Variants in ADAMTS19 observed in about 807,000 individuals in gnomAD.
The protein encoded by ADAMTS19 is ADAM metallopeptidase with thrombospondin type 1 motif 19, also known as A disintegrin and metalloproteinase with thrombospondin motifs 19.
ADAMTS19 carries 93 observed loss-of-function variants against 153.3 expected under a neutral mutation model. The observed-to-expected ratio is 0.61, with a 90% CI of 0.51 to 0.72. The LOEUF (loss-of-function observed/expected upper bound fraction) is 0.72, where lower values mean the gene tolerates loss of function less well. ADAMTS19 is among the 30% of genes least tolerant of loss of function. The pLI is 0.00. For synonymous variants in ADAMTS19, 600 were observed against 556.6 expected, an observed-to-expected ratio of 1.08 and a Z score of -1.10; for missense variants, 1,482 against 1,552.1, an observed-to-expected ratio of 0.95 and a Z score of 0.76.
At chr5:129,483,004 G>A (rs983264760) in intron 2 of ADAMTS19, among the ~76,000 whole-genome samples, 2 of 152,094 alleles carry the variant, frequency 1.3e-5, no homozygotes, top group African/African-American at 4.8e-5. Context: ...TATTATATGT[G>A]TTCCATAACT....
chr5:129,675,103 G>T (rs945200371), intron 16 of ADAMTS19, among the ~76,000 whole-genome samples: 1 of 152,064 alleles, frequency 6.6e-6, no homozygotes, highest in Non-Finnish European at 1.5e-5. Flanking sequence ...AGTTCTGATG[G>T]TATATCCAGT....
intron 8 of ADAMTS19, among the ~76,000 whole-genome samples, chr5:129,605,062 C>T (rs1750826300): frequency 6.6e-6 from 1 of 152,204 alleles, no homozygotes; most frequent in Non-Finnish European, 1.5e-5. Flanking sequence ...ACTAATTGTC[C>T]TGCTAGTTCT....
Position 129,701,581 on chromosome 5 carries a change from G to A in ADAMTS19, c.3148G>A (p.Val1050Met), listed in dbSNP as rs1347715557. Residue 1050 changes from valine to methionine, a missense_variant, in exon 20 of 23, where the codon GTG becomes ATG. Coordinates refer to ENST00000274487, the MANE Select transcript of ADAMTS19 (RefSeq NM_133638.6). ...QDCMTVWEAG[V>M]WSECSVKCGK... is the part of the protein sequence containing the mutation. ...CTGCATGACCGTGTGGGAGGCGGGA[G>A]TGTGGTCTGAGGTGCATACATGCCC... is the stretch of plus-strand genomic sequence containing the variant. 1.2e-6 allele frequency: 2 copies of A among 1,614,200 alleles called. No individual in the cohort carries two copies. The highest frequency in any genetic ancestry group is 2.2e-5 in the South Asian group (2 of 91,082).
At chr5:129,490,862 G>T (rs1750742914) in intron 2 of ADAMTS19, among the ~76,000 whole-genome samples, 1 of 151,072 alleles carries the variant, frequency 6.6e-6, no homozygotes. Flanking sequence ...TTTTTTTTTT[G>T]GTAAATTATG....
intron 8 of ADAMTS19, among the ~76,000 whole-genome samples, chr5:129,603,299 G>A (rs1236145277): frequency 6.6e-6 from 1 of 152,128 alleles, no homozygotes; most frequent in African/African-American, 2.4e-5. Context: ...TGGCCTGAAA[G>A]GTGGTCTATA....
intron 7 of ADAMTS19, among the ~76,000 whole-genome samples, chr5:129,562,409 G>T (rs1255206461): frequency 6.6e-6 from 1 of 152,136 alleles, no homozygotes; most frequent in Non-Finnish European, 1.5e-5. Flanking sequence ...CAGTGAAGTT[G>T]GTGCCACTGT....
At chr5:129,507,991 C>G (rs1448793923) in intron 2 of ADAMTS19, among the ~76,000 whole-genome samples, 3 of 151,804 alleles carry the variant, frequency 2.0e-5, no homozygotes, top group Non-Finnish European at 4.4e-5. Context: ...AAAAATTCTG[C>G]TATACTTCCA....
Position 129,738,413 on chromosome 5 carries a change from G to T in ADAMTS19, c.*1195G>T, listed in dbSNP as rs2149541364. 6.6e-6 allele frequency: 1 copy of T among 152,146 alleles called. No homozygotes were observed. Among genetic ancestry groups the T allele is most frequent in the South Asian group, 2.1e-4 (1 of 4,828 alleles). The allele number at this position is 152,146 out of a possible 1,614,324, so 9.4% of individuals were successfully genotyped here. ...AGGTACTGTCTACTTTTGTTCTGGAGTATCTTCTAGAGGATGTTTATAGAG... is the reference window on the plus strand; with the variant it reads ...AGGTACTGTCTACTTTTGTTCTGGATTATCTTCTAGAGGATGTTTATAGAG... On this transcript the variant is annotated 3_prime_UTR_variant, in exon 23 of 23. Transcript: ENST00000274487.
chr5:129,668,626 C>T (rs773079595), intron 16 of ADAMTS19, among the ~76,000 whole-genome samples: 20 of 151,998 alleles, frequency 1.3e-4, no homozygotes, highest in African/African-American at 1.9e-4. Flanking sequence ...CTAATTCTAA[C>T]GTGGGGTTAG....
chr5:129,539,616 A>AT (rs1278691920), intron 6 of ADAMTS19, among the ~76,000 whole-genome samples: 1 of 152,094 alleles, frequency 6.6e-6, no homozygotes, highest in East Asian at 1.9e-4. Context: ...GACATACTAT[A>AT]TATTGCATAA....
intron 21 of ADAMTS19, among the ~76,000 whole-genome samples, chr5:129,717,484 C>G (rs1026692757): frequency 4.6e-5 from 7 of 152,172 alleles, no homozygotes; most frequent in African/African-American, 1.7e-4. Flanking sequence ...ACTCTCTTCA[C>G]CTTTTCCTAT....
rs1027709117 is a variant in ADAMTS19 at position 129,738,459 on chromosome 5, T to C, written c.*1241T>C. On this transcript the variant is annotated 3_prime_UTR_variant, in exon 23 of 23. Transcript: ENST00000274487. ...TAGAGTGAACTGCCTTGGAAGATAG[T>C]ATGTCTCTTGGGAGCAAAGGGCAAA... The C allele has an allele frequency of 1.3e-5, 2 of 152,008 alleles. No individual in the cohort carries two copies. The highest frequency in any genetic ancestry group is 2.9e-5 in the Non-Finnish European group (2 of 67,978). The allele number at this position is 152,008 out of a possible 1,614,324, so 9.4% of individuals were successfully genotyped here.
intron 2 of ADAMTS19, among the ~76,000 whole-genome samples, chr5:129,478,402 A>G (rs1287635321): frequency 2.6e-5 from 4 of 152,334 alleles, no homozygotes; most frequent in African/African-American, 7.2e-5. Flanking sequence ...TAAAACATAT[A>G]TGAAATAATT....
chr5:129,486,238 T>C (rs1346737572), intron 2 of ADAMTS19, among the ~76,000 whole-genome samples: 1 of 152,162 alleles, frequency 6.6e-6, no homozygotes, highest in Non-Finnish European at 1.5e-5. Context: ...CTATTATTAC[T>C]TATGAGGCCA....
chr5:129,549,362 T>C (rs1387583075), intron 6 of ADAMTS19, among the ~76,000 whole-genome samples: 1 of 151,388 alleles, frequency 6.6e-6, no homozygotes, highest in Non-Finnish European at 1.5e-5. Context: ...TCAGAGAAAA[T>C]GGATGTTGAA....
In ADAMTS19 at chr5:129,606,050, C is replaced by G. The variant is rs137923262; in HGVS notation, c.1478+9386C>G. Reference sequence around the variant, plus strand: ...TGGCATGGAGACATGGTTTTTCCACCAAGTAGGCAATTCAGGAGTTTCTTT... The same window carrying G: ...TGGCATGGAGACATGGTTTTTCCACGAAGTAGGCAATTCAGGAGTTTCTTT... On this transcript the variant is annotated intron_variant, in intron 8 of 22. Coordinates refer to ENST00000274487, the MANE Select transcript of ADAMTS19 (RefSeq NM_133638.6). Among the ~76,000 whole-genome samples, 1,420 of 152,028 alleles carry G rather than the reference C, an allele frequency of 9.3e-3. 9 individuals carry two copies. The highest frequency in any genetic ancestry group is 0.027 in the Middle Eastern group (8 of 294).
At chr5:129,507,820 T>G (rs1751314881) in intron 2 of ADAMTS19, among the ~76,000 whole-genome samples, 1 of 151,816 alleles carries the variant, frequency 6.6e-6, no homozygotes, top group Non-Finnish European at 1.5e-5. Context: ...AAATTGCTTA[T>G]TCTCGTTCTT....
At chr5:129,639,437 C>T (rs1290945391) in intron 10 of ADAMTS19, among the ~76,000 whole-genome samples, 1 of 152,142 alleles carries the variant, frequency 6.6e-6, no homozygotes, top group Non-Finnish European at 1.5e-5. Flanking sequence ...GATCCCTAGA[C>T]CTGCAGAACA....
chr5:129,620,889 T>C, intron 9 of ADAMTS19, 131 bp downstream of exon 9: 4 of 907,340 alleles, frequency 4.4e-6, no homozygotes, highest in Non-Finnish European at 6.3e-6. Context: ...GTTCCAATCC[T>C]GGCTTTTCCA....
Sources: gnomAD v4.1 joint callset for allele counts (sites outside exome capture counted in the v4.1 genomes callset) on GRCh38, gnomAD v4.1.1 for gene constraint, MANE v1.5 for transcripts, NCBI Gene and HGNC (gene_info 2026-07-23, HGNC 2026-07-21) for gene names.